The following USP32 variants were observed in gnomAD, a reference collection of about 807,000 sequenced individuals.
USP32 encodes the protein ubiquitin specific peptidase 32, also known as ubiquitin carboxyl-terminal hydrolase 32.
In USP32, 59 loss-of-function variants were observed where a neutral mutation model predicts 204.8. The observed-to-expected ratio is 0.29, with a 90% CI of 0.23 to 0.36. The LOEUF (loss-of-function observed/expected upper bound fraction) is 0.36, where lower values mean the gene tolerates loss of function less well. Ranked by LOEUF, USP32 falls within the 10% of genes least tolerant of loss-of-function variation. The pLI is 1.00. For synonymous variants in USP32, 517 were observed against 678.4 expected (o/e 0.76, Z 3.70); for missense variants, 1,160 against 1,946.4 (o/e 0.60, Z 7.60).
intron 29 of USP32, among the ~76,000 whole-genome samples, chr17:60,187,932 A>G (rs1384403114): frequency 1.3e-5 from 2 of 152,190 alleles, no homozygotes; most frequent in Admixed American, 6.5e-5. Flanking sequence ...GACTATTGAA[A>G]AAAAGAGAGT....
At chr17:60,234,940 G>T (rs1398297945) in intron 12 of USP32, among the ~76,000 whole-genome samples, 1 of 152,042 alleles carries the variant, frequency 6.6e-6, no homozygotes, top group Non-Finnish European at 1.5e-5. Flanking sequence ...TGCCAGAGTG[G>T]AGAAGGGAAT....
rs1046652397 is a variant in USP32 at position 60,178,077 on chromosome 17, T to A, written c.*1178A>T. Among the ~76,000 whole-genome samples the A allele has an allele frequency of 1.3e-4, 20 of 151,780 alleles. No homozygotes were observed. The highest frequency in any genetic ancestry group is 2.2e-4 in the Non-Finnish European group (15 of 67,942). ...AACTTTCGATGACTACTGTAAAATT[T>A]AAAAAAAAGACAAATATCAAAATAA... On this transcript the variant is annotated 3_prime_UTR_variant, in exon 34 of 34. Transcript: ENST00000300896.
chr17:60,386,884 T>C (rs1188016828), intron 1 of USP32, among the ~76,000 whole-genome samples: 1 of 152,164 alleles, frequency 6.6e-6, no homozygotes, highest in Non-Finnish European at 1.5e-5. Context: ...ACAGTGAGAT[T>C]AGTGAAAACA....
chr17:60,397,402 A>T (rs1336921044), intron 1 of USP32, among the ~76,000 whole-genome samples: 2 of 152,042 alleles, frequency 1.3e-5, no homozygotes, highest in African/African-American at 4.8e-5. Flanking sequence ...TCTCTCTATC[A>T]CTCAGGCTGG....
chr17:60,251,943 G>A (rs1242040114), intron 11 of USP32, among the ~76,000 whole-genome samples: 3 of 151,920 alleles, frequency 2.0e-5, no homozygotes, highest in African/African-American at 4.8e-5. Flanking sequence ...AGGTATTTCA[G>A]AATATTCCCA....
chr17:60,327,823 A>C (rs1279344023), intron 2 of USP32, among the ~76,000 whole-genome samples: 1 of 152,204 alleles, frequency 6.6e-6, no homozygotes, highest in African/African-American at 2.4e-5. Flanking sequence ...GCAGGGCTGA[A>C]GCCAAGCCAG....
Position 60,275,336 on chromosome 17 carries a change from A to C in USP32, c.572-3855T>G, listed in dbSNP as rs547611509. Among the ~76,000 whole-genome samples, 328 of 152,186 alleles carry C rather than the reference A, an allele frequency of 2.2e-3. 4 individuals are homozygous for C. The highest frequency in any genetic ancestry group is 7.5e-3 in the African/African-American group (310 of 41,522). On this transcript the variant is annotated intron_variant, in intron 5 of 33. Coordinates refer to ENST00000300896, the MANE Select transcript of USP32 (RefSeq NM_032582.4). Reference sequence around the variant, plus strand: ...GTGAGGTGTGGTGGCGTGTGCCTGTAATCCCAGCTACTCAGGAGGCTGAGG... The same window carrying C: ...GTGAGGTGTGGTGGCGTGTGCCTGTCATCCCAGCTACTCAGGAGGCTGAGG...
chr17:60,310,156 G>A (rs1002831155), intron 2 of USP32, among the ~76,000 whole-genome samples: 14 of 152,186 alleles, frequency 9.2e-5, no homozygotes, highest in Non-Finnish European at 1.5e-4. Context: ...AACTAGTACA[G>A]CCATTGTGTA....
intron 3 of USP32, among the ~76,000 whole-genome samples, chr17:60,299,237 T>G (rs1174160277): frequency 1.3e-5 from 2 of 152,194 alleles, no homozygotes; most frequent in East Asian, 3.8e-4. Context: ...TCAATAAAAC[T>G]TTTCTTAAAA....
intron 9 of USP32, among the ~76,000 whole-genome samples, chr17:60,259,516 G>A (rs2145740396): frequency 6.6e-6 from 1 of 152,290 alleles, no homozygotes; most frequent in East Asian, 1.9e-4. Context: ...GAGCTGCAGG[G>A]ATAGGCTCTG....
rs576621210 is a variant in USP32 at position 60,348,580 on chromosome 17, C to A, written c.59-2972G>T. Among the ~76,000 whole-genome samples, 21 of 152,080 alleles carry A rather than the reference C, an allele frequency of 1.4e-4. No individual in the cohort carries two copies. In the South Asian group the frequency reaches 4.1e-3, roughly 30 times the overall value. ...GCTTGAGACCAGGAGTTAGAGACCA[C>A]CCTAGGCAACATAGTGAGACCCTGT... is the stretch of plus-strand genomic sequence containing the variant. On this transcript the variant is annotated intron_variant, in intron 1 of 33. Coordinates refer to ENST00000300896, the MANE Select transcript of USP32 (RefSeq NM_032582.4).
intron 24 of USP32, 72 bp downstream of exon 24, chr17:60,207,987 G>A: frequency 5.4e-6 from 8 of 1,488,440 alleles, no homozygotes; most frequent in Non-Finnish European, 7.2e-6. Flanking sequence ...CCTAACAATT[G>A]ATCATAATAA....
intron 27 of USP32, among the ~76,000 whole-genome samples, chr17:60,197,181 A>G (rs1470186611): frequency 1.3e-5 from 2 of 149,104 alleles, no homozygotes; most frequent in Non-Finnish European, 3.0e-5. Context: ...ATCTGTCTCA[A>G]AAAAAAAAAA....
intron 28 of USP32, among the ~76,000 whole-genome samples, chr17:60,190,972 G>T (rs1377579452): frequency 6.6e-6 from 1 of 152,144 alleles, no homozygotes; most frequent in African/African-American, 2.4e-5. Context: ...AAATGACATG[G>T]GAATTGCCTG....
intron 26 of USP32, among the ~76,000 whole-genome samples, chr17:60,204,403 A>G (rs1201484680): frequency 6.6e-6 from 1 of 151,696 alleles, no homozygotes; most frequent in Non-Finnish European, 1.5e-5. Flanking sequence ...GCATCATAGC[A>G]TATTATAGCT....
rs2089847111 is a variant in USP32, at chr17:60,392,017, T to C, written c.-78A>G. On this transcript the variant is annotated 5_prime_UTR_variant, in exon 1 of 34. Coordinates refer to ENST00000300896, the MANE Select transcript of USP32 (RefSeq NM_032582.4). ...CCTCCCGCCTTCTCCTCGGCGTCCC[T>C]GGGTGACGGTGACGGTGTCGGCGTC... is the stretch of plus-strand genomic sequence containing the variant. The C allele has an allele frequency of 6.9e-7, 1 of 1,446,082 alleles. No individual in the cohort carries two copies. The highest frequency in any genetic ancestry group is 9.2e-7 in the Non-Finnish European group (1 of 1,083,132). The allele number at this position is 1,446,082 out of a possible 1,614,324, so 89.6% of individuals were successfully genotyped here.
At chr17:60,362,193 T>TA (rs1048177752) in intron 1 of USP32, among the ~76,000 whole-genome samples, 1 of 151,902 alleles carries the variant, frequency 6.6e-6, no homozygotes, top group African/African-American at 2.4e-5. Flanking sequence ...TACATCACAT[T>TA]AAAAAAAATC....
intron 10 of USP32, among the ~76,000 whole-genome samples, chr17:60,254,565 G>T (rs1429176086): frequency 6.6e-6 from 1 of 152,176 alleles, no homozygotes; most frequent in African/African-American, 2.4e-5. Flanking sequence ...CAGGCGTGGT[G>T]GCACATGCCT....
Position 60,201,527 on chromosome 17 carries a change from G to A in USP32, c.3250-3083C>T, listed in dbSNP as rs185066105. Among the ~76,000 whole-genome samples, 7 of 152,102 alleles carry A rather than the reference G, an allele frequency of 4.6e-5. No homozygotes were observed. The East Asian group carries it at 7.7e-4, about 17-fold the overall frequency. ...ATAAAGTTAATTTATATTCTCATCA[G>A]CATGGTATGAGAGTTCCTGTTGCTC... On this transcript the variant is annotated intron_variant, in intron 26 of 33. Transcript: ENST00000300896.
Sources: gnomAD v4.1 joint callset for allele counts (sites outside exome capture counted in the v4.1 genomes callset) on GRCh38, gnomAD v4.1.1 for gene constraint, MANE v1.5 for transcripts, NCBI Gene and HGNC (gene_info 2026-07-23, HGNC 2026-07-21) for gene names.